CPB1: variants seen among roughly 807,000 people sequenced by gnomAD.
CPB1 encodes carboxypeptidase B1, also known as carboxypeptidase B.
CPB1 carries 53 observed loss-of-function variants against 51.4 expected under a neutral mutation model. The ratio of observed to expected loss-of-function variants is 1.03; its 90% CI spans 0.83 to 1.30. The LOEUF (loss-of-function observed/expected upper bound fraction) is 1.30, where lower values mean the gene tolerates loss of function less well. CPB1 is among the 50% of genes most tolerant of loss of function. The probability of loss-of-function intolerance (pLI) is 0.00; values close to 1 mark genes in which losing one functional copy is unlikely to be tolerated. For missense variants in CPB1, 494 were observed against 516.2 expected (o/e 0.96, Z 0.42); for synonymous variants, 189 against 186.9 (o/e 1.01, Z -0.09).
intron 6 of CPB1, among the ~76,000 whole-genome samples, chr3:148,842,760 A>G (rs1713121034): frequency 6.6e-6 from 1 of 152,186 alleles, no homozygotes; most frequent in Non-Finnish European, 1.5e-5. Flanking sequence ...TATTAATTAT[A>G]AAGGGAAAAC....
chr3:148,846,839 A>ATG (rs1713265993), intron 9 of CPB1, among the ~76,000 whole-genome samples: 6 of 118,292 alleles, frequency 5.1e-5, no homozygotes, highest in South Asian at 2.6e-4. Flanking sequence ...ATATATATAT[A>ATG]TATGTTAGCA....
At chr3:148,830,192 A>C (rs984242588) in intron 2 of CPB1, among the ~76,000 whole-genome samples, 1 of 152,062 alleles carries the variant, frequency 6.6e-6, no homozygotes, top group Admixed American at 6.6e-5. Flanking sequence ...TCTGGGCTTC[A>C]CCTGTTTTCG....
chr3:148,851,997 A>G (rs1004790999), intron 9 of CPB1: 5 of 152,218 alleles, frequency 3.3e-5, no homozygotes, highest in African/African-American at 1.2e-4. Context: ...ATTTCATGGG[A>G]CAGACTTATA....
chr3:148,827,840 T>G lies in CPB1; in HGVS notation c.17T>G (p.Val6Gly). MLALLVLVTVALASAH... is the reference protein window; with the variant it reads MLALLGLVTVALASAH... Reference sequence around the variant, plus strand: ...TCAGACACAATGTTGGCACTCTTGGTTCTGGTGACTGTGGCCCTGGCATCT... The same window carrying G: ...TCAGACACAATGTTGGCACTCTTGGGTCTGGTGACTGTGGCCCTGGCATCT... The change falls in exon 1 of 11, where the codon GTT becomes GGT. Residue 6 changes from valine to glycine, a missense_variant. Physicochemically the swap from Val to Gly is moderately radical, Grantham distance 109. Coordinates refer to ENST00000282957, the MANE Select transcript of CPB1 (RefSeq NM_001871.3). The G allele has an allele frequency of 6.2e-7, 1 of 1,614,182 alleles. No individual in the cohort carries two copies. The highest frequency in any genetic ancestry group is 8.5e-7 in the Non-Finnish European group (1 of 1,180,020).
At chr3:148,847,682 G>C (rs1336619765) in intron 9 of CPB1, among the ~76,000 whole-genome samples, 1 of 152,072 alleles carries the variant, frequency 6.6e-6, no homozygotes, top group Non-Finnish European at 1.5e-5. Context: ...AGTAGAGTAA[G>C]TAGAATTCTA....
chr3:148,829,097 C>T (rs1712655534), intron 2 of CPB1, among the ~76,000 whole-genome samples: 1 of 152,210 alleles, frequency 6.6e-6, no homozygotes. Context: ...TTATTCTGAG[C>T]TGAAAGCTTC....
At chr3:148,842,381 C>T (rs1713112743) in intron 6 of CPB1, among the ~76,000 whole-genome samples, 1 of 152,114 alleles carries the variant, frequency 6.6e-6, no homozygotes, top group Non-Finnish European at 1.5e-5. Flanking sequence ...AATCATTGTA[C>T]ACTTCAGATT....
At chr3:148,835,719 G>A (rs945374244) in intron 3 of CPB1, among the ~76,000 whole-genome samples, 18 of 152,266 alleles carry the variant, frequency 1.2e-4, no homozygotes, top group Non-Finnish European at 2.4e-4. Context: ...ATGTTTATCC[G>A]GCAATCCCCC....
At chr3:148,858,503 C>T (rs903081874) in intron 10 of CPB1, among the ~76,000 whole-genome samples, 18 of 151,712 alleles carry the variant, frequency 1.2e-4, no homozygotes, top group Non-Finnish European at 4.4e-5. Context: ...ACCTGGGAGG[C>T]GGAGGTTGCA....
In CPB1 at chr3:148,846,781, A is replaced by ATGTGTGTG. The variant is rs1223556507; in HGVS notation, c.981+1158_981+1165dup. Among the ~76,000 whole-genome samples the ATGTGTGTG allele has an allele frequency of 7.1e-3, 414 of 57,944 alleles. 8 individuals carry two copies. Among genetic ancestry groups the ATGTGTGTG allele is most frequent in the African/African-American group, 0.018 (288 of 15,996 alleles). 38.0% of individuals were successfully genotyped at this position (57,944 alleles called of 152,430 possible). On this transcript the variant is annotated intron_variant, in intron 9 of 10. Coordinates refer to ENST00000282957, the MANE Select transcript of CPB1 (RefSeq NM_001871.3). ...CATATATATATATATACACATATATATGTGTGTGTGCGTGTGTATATATAT... is the reference window on the plus strand; with the variant it reads ...CATATATATATATATACACATATATATGTGTGTGTGTGTGTGTGCGTGTGTATATATAT...
chr3:148,859,847 T>C lies in CPB1; in HGVS notation c.1099T>C (p.Tyr367His). Reference sequence around the variant, plus strand: ...TGCTGGGGGCTCTGACGACTGGGCTTATGACCAAGGAATCAGATATTCCTT... The same window carrying C: ...TGCTGGGGGCTCTGACGACTGGGCTCATGACCAAGGAATCAGATATTCCTT... ...PAAGGSDDWA[Y>H]DQGIRYSFTF... Residue 367 changes from tyrosine (Y) to histidine (H), a missense_variant, in exon 11 of 11, where the codon TAT (tyrosine) becomes CAT (histidine). Transcript: ENST00000282957. The C allele has an allele frequency of 6.2e-7, 1 of 1,614,064 alleles. No individual in the cohort carries two copies. The highest frequency in any genetic ancestry group is 8.5e-7 in the Non-Finnish European group (1 of 1,179,956).
chr3:148,847,961 T>A (rs1235939459), intron 9 of CPB1, among the ~76,000 whole-genome samples: 1 of 152,180 alleles, frequency 6.6e-6, no homozygotes, highest in Non-Finnish European at 1.5e-5. Flanking sequence ...TTAAAAGAAA[T>A]ATTTAAATGC....
chr3:148,853,982 G>T (rs547499867), intron 9 of CPB1, among the ~76,000 whole-genome samples: 1 of 152,236 alleles, frequency 6.6e-6, no homozygotes, highest in South Asian at 2.1e-4. Context: ...CCCTCAAAAG[G>T]CAAGTTTTAT....
chr3:148,837,724 A>G (rs1469443528), intron 3 of CPB1, among the ~76,000 whole-genome samples: 1 of 151,834 alleles, frequency 6.6e-6, no homozygotes. Context: ...CCCCGCCTTC[A>G]AGCAGAAGTC....
intron 3 of CPB1, among the ~76,000 whole-genome samples, chr3:148,839,076 A>T (rs1394519842): frequency 2.0e-5 from 3 of 152,226 alleles, no homozygotes; most frequent in Non-Finnish European, 2.9e-5. Context: ...GCTGATGTTA[A>T]AATAGGGAGA....
chr3:148,844,893 GC>G, intron 8 of CPB1, 126 bp downstream of exon 8: 2 of 761,892 alleles, frequency 2.6e-6, no homozygotes, highest in Non-Finnish European at 2.0e-6. Context: ...CCTTCTAAAA[GC>G]ACCAAAAAAA....
chr3:148,831,091 C>T (rs1436283920), intron 2 of CPB1, among the ~76,000 whole-genome samples: 2 of 152,172 alleles, frequency 1.3e-5, no homozygotes, highest in Non-Finnish European at 2.9e-5. Flanking sequence ...CCACACTGTA[C>T]TCCAGCAGCC....
At chr3:148,831,373 C>A (rs1212119132) in intron 2 of CPB1, among the ~76,000 whole-genome samples, 1 of 152,024 alleles carries the variant, frequency 6.6e-6, no homozygotes, top group Admixed American at 6.6e-5. Context: ...AAGTTGTTTT[C>A]TTTTCCAACA....
At chr3:148,850,194 T>C (rs1424519560) in intron 9 of CPB1, among the ~76,000 whole-genome samples, 2 of 152,118 alleles carry the variant, frequency 1.3e-5, no homozygotes, top group African/African-American at 4.8e-5. Flanking sequence ...TGAAAAATTA[T>C]TAAATGTGAA....
Sources: allele counts gnomAD v4.1 joint callset (sites outside exome capture counted in the v4.1 genomes callset), GRCh38; gene constraint gnomAD v4.1.1; transcripts MANE v1.5; gene names NCBI Gene and HGNC (gene_info 2026-07-23, HGNC 2026-07-21).